The following KDM4C variants were observed in gnomAD, a reference collection of about 807,000 sequenced individuals.
The protein encoded by KDM4C is lysine demethylase 4C.
A neutral mutation model predicts 129.3 loss-of-function variants in KDM4C; 81 were observed. The ratio of observed to expected loss-of-function variants is 0.63; its 90% confidence interval spans 0.52 to 0.75. KDM4C has a LOEUF of 0.75. Ranked by LOEUF, KDM4C falls within the 30% of genes least tolerant of loss-of-function variation. The pLI is 0.00. For missense variants in KDM4C, 1,457 were observed against 1,304.0 expected (o/e 1.12, Z -1.81); for synonymous variants, 573 against 456.1 (o/e 1.26, Z -3.26).
At chr9:6,848,295 A>G (rs1838212583) in intron 4 of KDM4C, among the ~76,000 whole-genome samples, 1 of 152,244 alleles carries the variant, frequency 6.6e-6, no homozygotes, top group Non-Finnish European at 1.5e-5. Context: ...AGTCTCTGAT[A>G]TTTAGAATTT....
intron 15 of KDM4C, among the ~76,000 whole-genome samples, chr9:7,026,601 C>T (rs757550123): frequency 3.2e-4 from 48 of 152,010 alleles, no homozygotes; most frequent in Non-Finnish European, 6.9e-4. Context: ...ATTCTGTAAT[C>T]TTCTTGTACT....
At chr9:6,765,674 C>T (rs1303764843) in intron 1 of KDM4C, among the ~76,000 whole-genome samples, 1 of 152,164 alleles carries the variant, frequency 6.6e-6, no homozygotes, top group East Asian at 1.9e-4. Flanking sequence ...AACTGTAAAA[C>T]CAGGACACGC....
chr9:6,820,698 ATC>A (rs200755944), intron 4 of KDM4C, among the ~76,000 whole-genome samples: 5 of 140,700 alleles, frequency 3.6e-5, no homozygotes, highest in African/African-American at 5.3e-5. Flanking sequence ...TTGTGTCTTG[ATC>A]TCTCTCTCTC....
rs1328606282 is a variant in KDM4C, at chr9:6,816,873, C to G, written c.435+2128C>G. On this transcript the variant is annotated intron_variant, in intron 4 of 21. Coordinates refer to ENST00000381309, the MANE Select transcript of KDM4C (RefSeq NM_015061.6). ...TTCTTTTTTTTTTGGCTTAAGTTCCCTTTTCTGTGGTTTTAGTGATTCTTA... is the reference window on the plus strand; with the variant it reads ...TTCTTTTTTTTTTGGCTTAAGTTCCGTTTTCTGTGGTTTTAGTGATTCTTA... Among the ~76,000 whole-genome samples the G allele has an allele frequency of 2.0e-5, 3 of 150,782 alleles. No individual in the cohort carries two copies. The South Asian group carries it at 6.3e-4, about 31-fold the overall frequency.
chr9:6,796,346 G>C (rs1827758333), intron 2 of KDM4C, among the ~76,000 whole-genome samples: 1 of 152,200 alleles, frequency 6.6e-6, no homozygotes, highest in South Asian at 2.1e-4. Flanking sequence ...TCGGGAGGCT[G>C]AGCCAGGATA....
intron 4 of KDM4C, among the ~76,000 whole-genome samples, chr9:6,831,757 C>A (rs541009514): frequency 9.2e-5 from 14 of 152,220 alleles, no homozygotes; most frequent in African/African-American, 3.1e-4. Flanking sequence ...AGGGCTTGTG[C>A]CTGCTGAGGT....
At chr9:7,139,586 C>G (rs1841541387) in intron 19 of KDM4C, among the ~76,000 whole-genome samples, 1 of 152,218 alleles carries the variant, frequency 6.6e-6, no homozygotes, top group African/African-American at 2.4e-5. Context: ...TCTCATCACA[C>G]TATAACCCTT....
At chr9:7,171,749 C>T (rs756603038) in intron 21 of KDM4C, among the ~76,000 whole-genome samples, 26 of 152,062 alleles carry the variant, frequency 1.7e-4, no homozygotes, top group Non-Finnish European at 3.4e-4. Flanking sequence ...GTGGCTGTCT[C>T]GGAACACAGG....
At chr9:6,807,514 G>A (rs1483962564) in intron 3 of KDM4C, among the ~76,000 whole-genome samples, 3 of 146,454 alleles carry the variant, frequency 2.0e-5, no homozygotes, top group Non-Finnish European at 4.5e-5. Flanking sequence ...CTGAGATGTG[G>A]GGAGCGCCTC....
chr9:6,899,345 C>A (rs1415223935), intron 8 of KDM4C, among the ~76,000 whole-genome samples: 2 of 152,118 alleles, frequency 1.3e-5, no homozygotes, highest in African/African-American at 4.8e-5. Context: ...CCCCCAATGT[C>A]CATAGTTTTT....
chr9:6,798,824 A>G (rs1447395222), intron 2 of KDM4C, among the ~76,000 whole-genome samples: 1 of 152,074 alleles, frequency 6.6e-6, no homozygotes, highest in African/African-American at 2.4e-5. Flanking sequence ...GGCCGGGCAG[A>G]GGCGCCCCTC....
chr9:6,855,342 C>T (rs1425713444), intron 5 of KDM4C, among the ~76,000 whole-genome samples: 1 of 151,456 alleles, frequency 6.6e-6, no homozygotes, highest in African/African-American at 2.4e-5. Context: ...GACTGTAGTC[C>T]CAGCTACTCG....
chr9:7,018,927 G>A (rs1824167885), intron 15 of KDM4C, among the ~76,000 whole-genome samples: 1 of 152,180 alleles, frequency 6.6e-6, no homozygotes, highest in Admixed American at 6.5e-5. Flanking sequence ...TCAATTTACA[G>A]TTGAACTGGG....
intron 17 of KDM4C, among the ~76,000 whole-genome samples, chr9:7,056,583 G>C (rs1830902082): frequency 6.6e-6 from 1 of 152,164 alleles, no homozygotes; most frequent in South Asian, 2.1e-4. Context: ...ATGTTATCTT[G>C]TTACTATGGA....
chr9:7,134,933 G>A (rs754518283), intron 19 of KDM4C, among the ~76,000 whole-genome samples: 14 of 152,120 alleles, frequency 9.2e-5, no homozygotes, highest in Non-Finnish European at 1.8e-4. Context: ...TACAAGTTTC[G>A]TGAACTGTCT....
intron 9 of KDM4C, among the ~76,000 whole-genome samples, chr9:6,983,573 GACACACACAC>G (rs56086219): frequency 0.16 from 22,196 of 142,596 alleles, 2,065 homozygotes; most frequent in South Asian, 0.38. Context: ...GTGTCTTTAT[GACACACACAC>G]ACACACACAC....
intron 5 of KDM4C, among the ~76,000 whole-genome samples, chr9:6,856,738 AATTTTTGT>A (rs1171944844): frequency 6.8e-6 from 1 of 147,158 alleles, no homozygotes; most frequent in Non-Finnish European, 1.5e-5. Context: ...ATGCCAGGCT[AATTTTTGT>A]ATTTTTTTTT....
At chr9:7,044,394 A>G (rs76697652) in intron 15 of KDM4C, among the ~76,000 whole-genome samples, 5,191 of 152,040 alleles carry the variant, frequency 0.034, 299 homozygotes, top group African/African-American at 0.12. Flanking sequence ...ACTGAGAAGC[A>G]TTAAAAACCT....
intron 11 of KDM4C, among the ~76,000 whole-genome samples, chr9:6,988,749 G>C (rs984191004): frequency 6.6e-6 from 1 of 151,976 alleles, no homozygotes; most frequent in Admixed American, 6.6e-5. Flanking sequence ...CACCGAGTAT[G>C]TTCTCACTTT....
Sources: allele counts gnomAD v4.1 joint callset (sites outside exome capture counted in the v4.1 genomes callset), GRCh38; gene constraint gnomAD v4.1.1; transcripts MANE v1.5; gene names NCBI Gene and HGNC (gene_info 2026-07-23, HGNC 2026-07-21).